TBCK: variants seen among roughly 807,000 people sequenced by gnomAD.
TBCK encodes TBC domain-containing protein kinase-like protein.
Under a neutral mutation model 113.4 loss-of-function variants are expected in TBCK, and 99 were observed. The ratio of observed to expected loss-of-function variants is 0.87; its 90% confidence interval spans 0.74 to 1.03. The LOEUF is 1.03. Among genes scored for constraint, TBCK ranks in the 50% least tolerant of loss-of-function variants. The pLI is 0.00. For synonymous variants in TBCK, 369 were observed against 370.8 expected (o/e 1.00, Z 0.05); for missense variants, 1,045 against 1,061.3 (o/e 0.98, Z 0.21).
intron 25 of TBCK, among the ~76,000 whole-genome samples, chr4:106,056,387 G>A (rs1341060077): frequency 2.0e-5 from 3 of 149,950 alleles, no homozygotes; most frequent in African/African-American, 7.4e-5. Context: ...TTACAGGTGT[G>A]AGCCACCACA....
chr4:106,164,340 C>T (rs1172957181), intron 23 of TBCK: 1 of 151,834 alleles, frequency 6.6e-6, no homozygotes, highest in African/African-American at 2.4e-5. Context: ...ATTTTACCCT[C>T]AATATGTTAG....
At chr4:106,247,030 A>G in intron 10 of TBCK, 109 bp downstream of exon 10, 3 of 1,131,718 alleles carry the variant, frequency 2.7e-6, no homozygotes, top group Non-Finnish European at 3.7e-6. Context: ...CTTAATTCCC[A>G]TGATCCCACC....
At chr4:106,307,808 A>C (rs986979683) in intron 2 of TBCK, among the ~76,000 whole-genome samples, 1 of 152,174 alleles carries the variant, frequency 6.6e-6, no homozygotes, top group African/African-American at 2.4e-5. Flanking sequence ...TATTGCCACC[A>C]TAAGAATCTT....
chr4:106,183,185 G>A (rs1752606859), intron 22 of TBCK, among the ~76,000 whole-genome samples: 1 of 151,932 alleles, frequency 6.6e-6, no homozygotes, highest in Non-Finnish European at 1.5e-5. Context: ...AGCATTTCAG[G>A]TGGCCAATCC....
chr4:106,090,708 T>A (rs1196658608), intron 25 of TBCK, among the ~76,000 whole-genome samples: 4 of 152,124 alleles, frequency 2.6e-5, no homozygotes, highest in Non-Finnish European at 5.9e-5. Context: ...AGGTATCTTG[T>A]CATCATAATT....
At chr4:106,108,610 A>C (rs905572055) in intron 24 of TBCK, among the ~76,000 whole-genome samples, 2 of 152,242 alleles carry the variant, frequency 1.3e-5, no homozygotes, top group Non-Finnish European at 2.9e-5. Flanking sequence ...AATATACTTC[A>C]AAATAATAAG....
chr4:106,244,826 A>C (rs920328447), intron 10 of TBCK, 62 bp from the exon 11 acceptor site: 9 of 992,654 alleles, frequency 9.1e-6, no homozygotes, highest in African/African-American at 1.7e-5. Flanking sequence ...AAACGTCAAC[A>C]GGCAGTAATA....
rs1756316996 is a variant in TBCK, at chr4:106,212,801, A to G, written c.1809T>C (p.Phe603=). 6.2e-7 allele frequency: 1 copy of G among 1,612,902 alleles called. No homozygotes were observed. The highest frequency in any genetic ancestry group is 8.5e-7 in the Non-Finnish European group (1 of 1,179,382). ...YLTVFSQMIA[F]HDPELSNHLN... is the part of the protein sequence containing the mutation. The stretch of plus-strand genomic sequence containing the variant: ...GATGATTACTCAGCTCTGGATCATG[A>G]AATGCAATCATCTGAGAGAAGACAG... The change falls in exon 20 of 26, where the codon TTT becomes TTC. Residue 603 remains phenylalanine, a synonymous_variant. Coordinates refer to ENST00000394708, the MANE Select transcript of TBCK (RefSeq NM_001163435.3).
intron 23 of TBCK, 66 bp from the exon 24 acceptor site, chr4:106,116,444 A>G: frequency 7.8e-6 from 10 of 1,287,422 alleles, no homozygotes; most frequent in Non-Finnish European, 1.1e-5. Context: ...ATCCCCAGTA[A>G]TAGAATATCT....
chr4:106,275,741 T>C (rs1160458575), intron 3 of TBCK, among the ~76,000 whole-genome samples: 1 of 152,114 alleles, frequency 6.6e-6, no homozygotes, highest in Non-Finnish European at 1.5e-5. Flanking sequence ...CATCATAAAC[T>C]ATAAAACACT....
intron 23 of TBCK, among the ~76,000 whole-genome samples, chr4:106,152,042 ACTT>A (rs1748554742): frequency 6.6e-6 from 1 of 151,382 alleles, no homozygotes; most frequent in Non-Finnish European, 1.5e-5. Context: ...GGATAATTTG[ACTT>A]CTTTCTTTCT....
intron 24 of TBCK, among the ~76,000 whole-genome samples, chr4:106,101,999 A>G (rs1321924117): frequency 6.6e-6 from 1 of 152,222 alleles, no homozygotes; most frequent in Non-Finnish European, 1.5e-5. Flanking sequence ...TTCTCAAAAT[A>G]TACTGAAGAA....
At chr4:106,168,625 G>C (rs986219034) in intron 23 of TBCK, among the ~76,000 whole-genome samples, 1 of 150,022 alleles carries the variant, frequency 6.7e-6, no homozygotes, top group Non-Finnish European at 1.5e-5. Context: ...GAGCTAATAA[G>C]TAACTACAGC....
Position 106,070,084 on chromosome 4 carries a change from A to G in TBCK, c.2572-23404T>C, listed in dbSNP as rs565702146. 3.6e-4 allele frequency among the ~76,000 whole-genome samples: 55 copies of G among 152,208 alleles called. 2 individuals are homozygous for G. In the South Asian group the frequency reaches 6.8e-3, roughly 19 times the overall value. On this transcript the variant is annotated intron_variant, in intron 25 of 25. Transcript: ENST00000394708. ...CTAAATATACATTCATGTCATCTGC[A>G]AACAGGGACAATTTGACTTCCTCTT...
chr4:106,153,225 T>C (rs1156777793), intron 23 of TBCK, among the ~76,000 whole-genome samples: 1 of 152,060 alleles, frequency 6.6e-6, no homozygotes, highest in Non-Finnish European at 1.5e-5. Context: ...TCAGTACTGT[T>C]TTTGCTGTAC....
chr4:106,129,800 C>A (rs1198644473), intron 23 of TBCK, among the ~76,000 whole-genome samples: 1 of 152,202 alleles, frequency 6.6e-6, no homozygotes, highest in Non-Finnish European at 1.5e-5. Flanking sequence ...CTCCACTGGT[C>A]TCCACCTTGC....
chr4:106,277,597 T>C (rs1337051918), intron 3 of TBCK, among the ~76,000 whole-genome samples: 1 of 152,126 alleles, frequency 6.6e-6, no homozygotes, highest in East Asian at 1.9e-4. Context: ...CAAAACAGTA[T>C]ATACTGAATG....
chr4:106,281,052 A>G (rs1764538709), intron 3 of TBCK, among the ~76,000 whole-genome samples: 1 of 152,162 alleles, frequency 6.6e-6, no homozygotes, highest in Non-Finnish European at 1.5e-5. Context: ...AGTCCCATCC[A>G]TAAACATGAA....
At chr4:106,164,246 T>C (rs191476705) in intron 23 of TBCK, 2 of 152,004 alleles carry the variant, frequency 1.3e-5, no homozygotes, top group Non-Finnish European at 2.9e-5. Context: ...AAAGAACAGA[T>C]GCAAAGCTAA....
Sources: gnomAD v4.1 joint callset for allele counts (sites outside exome capture counted in the v4.1 genomes callset) on GRCh38, gnomAD v4.1.1 for gene constraint, MANE v1.5 for transcripts, NCBI Gene and HGNC (gene_info 2026-07-23, HGNC 2026-07-21) for gene names.